CDC123: variants seen among roughly 807,000 people sequenced by gnomAD.
CDC123 encodes the protein cell division cycle 123.
CDC123 carries 37 observed loss-of-function variants against 54.4 expected under a neutral mutation model. That is an observed-to-expected ratio of 0.68 (90% confidence interval 0.52 to 0.89). CDC123 has a LOEUF of 0.89. CDC123 is among the 40% of genes least tolerant of loss of function. The pLI, the probability that CDC123 is intolerant of heterozygous loss-of-function variation, is 0.00. For synonymous variants in CDC123, 144 were observed against 136.8 expected (o/e 1.05, Z -0.37); for missense variants, 361 against 412.1 (o/e 0.88, Z 1.07).
rs556548804 is a variant in CDC123 at position 12,219,746 on chromosome 10, G to A, written c.440+2279G>A. ...GTCGCCCAGGCTGGAGTGCAGTGGT[G>A]CAATCTTGGCTCACTGCAACCTCCG... is the stretch of plus-strand genomic sequence containing the variant. On this transcript the variant is annotated intron_variant, in intron 6 of 12. Transcript: ENST00000281141. Among the ~76,000 whole-genome samples the A allele has an allele frequency of 1.1e-4, 16 of 150,660 alleles. No individual in the cohort carries two copies. The East Asian group carries it at 3.1e-3, about 29-fold the overall frequency.
chr10:12,231,082 G>A (rs1835897067), intron 7 of CDC123, 86 bp downstream of exon 7: 12 of 1,272,644 alleles, frequency 9.4e-6, no homozygotes, highest in Non-Finnish European at 1.3e-5. Context: ...AATGAATGAA[G>A]TTTCTTGGAT....
chr10:12,219,832 A>C (rs749373795), intron 6 of CDC123, among the ~76,000 whole-genome samples: 3 of 151,996 alleles, frequency 2.0e-5, no homozygotes, highest in Non-Finnish European at 4.4e-5. Flanking sequence ...TTACAGGCGC[A>C]TGGCTACCAC....
chr10:12,209,254 T>G (rs1378681220), intron 2 of CDC123, among the ~76,000 whole-genome samples: 8 of 152,186 alleles, frequency 5.3e-5, no homozygotes, highest in Non-Finnish European at 7.3e-5. Context: ...CTTCTTTTTT[T>G]GAGACGGGGT....
rs776203042 is a variant in CDC123 at position 12,198,741 on chromosome 10, T to C, written c.111T>C (p.Tyr37=). Residue 37 remains tyrosine, a synonymous_variant, in exon 2 of 13, where the codon TAT becomes TAC. Transcript: ENST00000281141. Reference sequence around the variant, plus strand: ...CACTTCCTCAGAATGTGAAGGATTATTTACTCGATGATGGAACTCTGGTGG... The same window carrying C: ...CACTTCCTCAGAATGTGAAGGATTACTTACTCGATGATGGAACTCTGGTGG... ...ILPLPQNVKD[Y]LLDDGTLVVS... 3 of 1,599,170 alleles carry C rather than the reference T, an allele frequency of 1.9e-6. No individual in the cohort carries two copies. The highest frequency in any genetic ancestry group is 2.6e-6 in the Non-Finnish European group (3 of 1,170,768).
At chr10:12,216,599 C>G (rs1835668379) in intron 5 of CDC123, among the ~76,000 whole-genome samples, 1 of 152,124 alleles carries the variant, frequency 6.6e-6, no homozygotes, top group Admixed American at 6.5e-5. Context: ...TCACCATTTC[C>G]TACTCCCCAG....
At chr10:12,229,220 T>G (rs1835867586) in intron 6 of CDC123, among the ~76,000 whole-genome samples, 1 of 152,180 alleles carries the variant, frequency 6.6e-6, no homozygotes, top group Admixed American at 6.5e-5. Flanking sequence ...TATAGATGCG[T>G]TTTTTAAACC....
intron 2 of CDC123, among the ~76,000 whole-genome samples, chr10:12,206,566 C>T (rs530801678): frequency 1.3e-4 from 20 of 152,308 alleles, no homozygotes; most frequent in African/African-American, 4.8e-4. Context: ...AATCCCAGCA[C>T]TTTGGGAGGC....
chr10:12,229,506 C>G (rs1318136944), intron 6 of CDC123, among the ~76,000 whole-genome samples: 5 of 152,212 alleles, frequency 3.3e-5, no homozygotes, highest in South Asian at 2.1e-4. Context: ...CCCTCCCTGC[C>G]TTAGCACGTT....
chr10:12,237,394 T>C (rs1835992768), intron 9 of CDC123, 128 bp downstream of exon 9: 1 of 677,940 alleles, frequency 1.5e-6, no homozygotes, highest in African/African-American at 1.9e-5. Flanking sequence ...TACTATATTA[T>C]TATTTGTTAT....
rs376031256 is a variant in CDC123, at chr10:12,250,383, C to T, written c.*46C>T. On this transcript the variant is annotated 3_prime_UTR_variant, in exon 13 of 13. Coordinates refer to ENST00000281141, the MANE Select transcript of CDC123 (RefSeq NM_006023.3). ...AAGAGGAGGCCCCGCCCCACCGCTCCGGGAGCTGCTCATCAGCCGCAACTT... is the reference window on the plus strand; with the variant it reads ...AAGAGGAGGCCCCGCCCCACCGCTCTGGGAGCTGCTCATCAGCCGCAACTT... 4.7e-5 allele frequency: 70 copies of T among 1,497,976 alleles called. No individual in the cohort carries two copies. The highest frequency in any genetic ancestry group is 4.7e-4 in the African/African-American group (34 of 72,852). 92.8% of individuals were successfully genotyped at this position (1,497,976 alleles called of 1,614,324 possible). A position where few individuals can be genotyped will look rare whatever the true frequency, so the allele number is the denominator to read the frequency against.
At chr10:12,210,419 C>G (rs1435217772) in intron 4 of CDC123, 97 bp downstream of exon 4, 1 of 1,385,334 alleles carries the variant, frequency 7.2e-7, no homozygotes. Flanking sequence ...AATTCCTAGT[C>G]AGTCACCATC....
intron 6 of CDC123, among the ~76,000 whole-genome samples, chr10:12,221,120 A>G (rs986666522): frequency 2.6e-5 from 4 of 151,754 alleles, no homozygotes; most frequent in African/African-American, 9.7e-5. Flanking sequence ...TGTTTATACT[A>G]TTTTGAGGCT....
chr10:12,200,119 C>CTTTT (rs1564431631), intron 2 of CDC123, among the ~76,000 whole-genome samples: 1 of 24,272 alleles, frequency 4.1e-5, no homozygotes, highest in Admixed American at 6.2e-4. Context: ...CCGCACTCGG[C>CTTTT]ATTTTTTTTT....
intron 2 of CDC123, among the ~76,000 whole-genome samples, chr10:12,202,028 C>G (rs542842099): frequency 1.3e-5 from 2 of 152,214 alleles, no homozygotes; most frequent in East Asian, 1.9e-4. Flanking sequence ...TCTGTGGAGC[C>G]TTTTTGAAAC....
chr10:12,206,694 T>A (rs140614383), intron 2 of CDC123, among the ~76,000 whole-genome samples: 2 of 152,002 alleles, frequency 1.3e-5, no homozygotes, highest in Admixed American at 1.3e-4. Flanking sequence ...TGCGGTGGCT[T>A]ATGCCTGTAA....
At chr10:12,248,045 A>G (rs1836182347) in intron 11 of CDC123, among the ~76,000 whole-genome samples, 1 of 152,104 alleles carries the variant, frequency 6.6e-6, no homozygotes, top group South Asian at 2.1e-4. Context: ...AAAATTATAA[A>G]ATCACTTATG....
Position 12,230,999 on chromosome 10 carries a change from A to C in CDC123, c.489+3A>C, listed in dbSNP as rs149366829. 3,755 of 1,601,592 alleles carry C rather than the reference A, an allele frequency of 2.3e-3. 16 individuals are homozygous for C. The highest frequency in any genetic ancestry group is 0.01 in the Admixed American group (590 of 58,628). On this transcript the variant is annotated splice_donor_region_variant and intron_variant, in intron 7 of 12. Coordinates refer to ENST00000281141, the MANE Select transcript of CDC123 (RefSeq NM_006023.3). ...CAGATCCATGTATAGAATATGAGGTAAGAAGCTTATTTTCTTTGATAATTG... is the reference window on the plus strand; with the variant it reads ...CAGATCCATGTATAGAATATGAGGTCAGAAGCTTATTTTCTTTGATAATTG...
At chr10:12,237,029 AG>A in intron 8 of CDC123, 114 bp from the exon 9 acceptor site, 1 of 1,257,966 alleles carries the variant, frequency 7.9e-7, no homozygotes, top group Non-Finnish European at 1.1e-6. Context: ...CGTACCCATC[AG>A]GGTGATCTTC....
chr10:12,202,522 G>A (rs1453928023), intron 2 of CDC123, among the ~76,000 whole-genome samples: 1 of 152,070 alleles, frequency 6.6e-6, no homozygotes, highest in Non-Finnish European at 1.5e-5. Context: ...ACCTGGAGGA[G>A]CATCAGATCC....
Sources: gnomAD v4.1 joint callset for allele counts (sites outside exome capture counted in the v4.1 genomes callset) on GRCh38, gnomAD v4.1.1 for gene constraint, MANE v1.5 for transcripts, NCBI Gene and HGNC (gene_info 2026-07-23, HGNC 2026-07-21) for gene names.